Variants in BAZ2B observed in about 807,000 individuals in gnomAD.
BAZ2B encodes the protein bromodomain adjacent to zinc finger domain 2B.
In BAZ2B, 91 loss-of-function variants were observed where a neutral mutation model predicts 246.0. The ratio of observed to expected loss-of-function variants is 0.37; its 90% confidence interval spans 0.31 to 0.44. The LOEUF (loss-of-function observed/expected upper bound fraction) is 0.44. Among genes scored for constraint, BAZ2B ranks in the 20% least tolerant of loss-of-function variants. The pLI, the probability that BAZ2B is intolerant of heterozygous loss-of-function variation, is 1.00. For synonymous variants in BAZ2B, 855 were observed against 860.0 expected (o/e 0.99, Z 0.10); for missense variants, 2,332 against 2,533.7 (o/e 0.92, Z 1.71).
At chr2:159,658,386 T>G in the BAZ2B span, among the ~76,000 whole-genome samples, 4 of 152,110 alleles carry the variant, frequency 2.6e-5, no homozygotes, top group South Asian at 8.3e-4. Flanking sequence ...CAGACTGGAG[T>G]GCAGTGGCAC....
At chr2:159,620,897 G>A (rs1966530), upstream of BAZ2B, among the ~76,000 whole-genome samples, 82,778 of 151,990 alleles carry the variant, frequency 0.54, 23,422 homozygotes, top group East Asian at 0.74. Flanking sequence ...TGAGGGAACA[G>A]TAACTGTATA....
intron 1 of BAZ2B, among the ~76,000 whole-genome samples, chr2:159,599,344 C>T (rs961508597): frequency 6.6e-6 from 1 of 151,580 alleles, no homozygotes; most frequent in African/African-American, 2.4e-5. Context: ...GACTGCCGAG[C>T]GCGGTGGCTC....
chr2:159,484,466 G>T (rs1577633863), intron 2 of BAZ2B, among the ~76,000 whole-genome samples: 1 of 152,062 alleles, frequency 6.6e-6, no homozygotes, highest in East Asian at 1.9e-4. Flanking sequence ...ACTCATACTG[G>T]GTAACATACA....
At chr2:159,464,073 G>A (rs2076745720) in intron 3 of BAZ2B, 1 of 152,064 alleles carries the variant, frequency 6.6e-6, no homozygotes, top group African/African-American at 2.4e-5. Flanking sequence ...AGTACACAGA[G>A]TTCCTATATA....
At chr2:159,540,211 G>A (rs1242321192) in intron 2 of BAZ2B, among the ~76,000 whole-genome samples, 2 of 152,164 alleles carry the variant, frequency 1.3e-5, no homozygotes, top group African/African-American at 4.8e-5. Flanking sequence ...ATAAATGAGT[G>A]AATGAGTGAC....
intron 3 of BAZ2B, among the ~76,000 whole-genome samples, chr2:159,454,092 G>A (rs2075423220): frequency 6.6e-6 from 1 of 152,026 alleles, no homozygotes. Flanking sequence ...ACCTGAGGAA[G>A]TGAGGCCAAT....
intron 3 of BAZ2B, 29 bp downstream of exon 3, chr2:159,478,546 C>A: frequency 6.4e-7 from 1 of 1,566,202 alleles, no homozygotes; most frequent in Non-Finnish European, 8.6e-7. Context: ...GAATGGCATT[C>A]TAAAATTGAG....
chr2:159,360,211 C>T (rs1416500408), intron 27 of BAZ2B, among the ~76,000 whole-genome samples: 2 of 152,144 alleles, frequency 1.3e-5, no homozygotes, highest in Admixed American at 6.6e-5. Context: ...AAAATCCCAT[C>T]GTCTCAGCCC....
chr2:159,318,077 G>A (rs1053172679), downstream of BAZ2B, among the ~76,000 whole-genome samples: 5 of 151,772 alleles, frequency 3.3e-5, no homozygotes, highest in Admixed American at 6.6e-5. Flanking sequence ...TCTTATTTAT[G>A]AGCCCCTGAG....
At chr2:159,583,472 G>A (rs935109390) in intron 1 of BAZ2B, among the ~76,000 whole-genome samples, 6 of 152,122 alleles carry the variant, frequency 3.9e-5, no homozygotes, top group Admixed American at 3.3e-4. Context: ...TATGTTTACC[G>A]CTTATGAAAC....
At chr2:159,588,225 A>C (rs1170751100) in intron 1 of BAZ2B, among the ~76,000 whole-genome samples, 6 of 151,598 alleles carry the variant, frequency 4.0e-5, no homozygotes, top group South Asian at 2.1e-4. Context: ...AAAAAAAAAA[A>C]AAAAAAACCC....
chr2:159,395,702 A>G, intron 20 of BAZ2B, 67 bp downstream of exon 20: 1 of 1,374,416 alleles, frequency 7.3e-7, no homozygotes, highest in South Asian at 1.3e-5. Flanking sequence ...TTATATTTAG[A>G]AGAGCCAATG....
intron 2 of BAZ2B, among the ~76,000 whole-genome samples, chr2:159,519,224 T>C (rs1578031120): frequency 1.1e-4 from 5 of 45,652 alleles, no homozygotes; most frequent in East Asian, 3.6e-4. Context: ...TTTTTTTTTT[T>C]TTTTTTTTTT....
chr2:159,487,188 C>T lies in BAZ2B; in HGVS notation c.-2-8467G>A, dbSNP rs199680070. On this transcript the variant is annotated intron_variant, in intron 2 of 36. Transcript: ENST00000392783. ...TTTGTTATTGCTAGAAATTACCTTT[C>T]AAAATGCTCCAGAGTCTTATGCTAC... Among the ~76,000 whole-genome samples the T allele has an allele frequency of 3.3e-5, 5 of 152,248 alleles. No homozygotes were observed. The East Asian group carries it at 7.7e-4, about 23-fold the overall frequency.
chr2:159,630,972 T>C, the BAZ2B span, among the ~76,000 whole-genome samples: 3 of 152,242 alleles, frequency 2.0e-5, no homozygotes, highest in East Asian at 1.9e-4. Flanking sequence ...AGTAGGAGGA[T>C]TGCTTGAGCT....
chr2:159,404,119 A>G lies in BAZ2B; in HGVS notation c.2832+730T>C, dbSNP rs2065526108. ...TCTCAGAAATAACTACATGCTTCCT[A>G]ATATTTTTAAAAGAATAGTACTTTC... On this transcript the variant is annotated intron_variant, in intron 16 of 36. Transcript: ENST00000392783. 5.3e-5 allele frequency among the ~76,000 whole-genome samples: 8 copies of G among 152,262 alleles called. No homozygotes were observed. The South Asian group carries it at 1.4e-3, about 28-fold the overall frequency.
chr2:159,507,567 T>A (rs1406050147), intron 2 of BAZ2B, among the ~76,000 whole-genome samples: 3 of 152,178 alleles, frequency 2.0e-5, no homozygotes, highest in African/African-American at 7.2e-5. Flanking sequence ...TGCTTGTGTA[T>A]AAGGGATTAA....
chr2:159,551,114 G>A (rs772568417), intron 2 of BAZ2B, among the ~76,000 whole-genome samples: 4 of 152,148 alleles, frequency 2.6e-5, no homozygotes, highest in African/African-American at 4.8e-5. Flanking sequence ...TGGTATTACA[G>A]GAGTGAGAGC....
chr2:159,576,410 A>G (rs1685300643), intron 1 of BAZ2B, among the ~76,000 whole-genome samples: 2 of 152,126 alleles, frequency 1.3e-5, no homozygotes, highest in Non-Finnish European at 2.9e-5. Context: ...ATAAAAACGA[A>G]CAAATAAATA....
Sources: gnomAD v4.1 joint callset for allele counts (sites outside exome capture counted in the v4.1 genomes callset) on GRCh38, gnomAD v4.1.1 for gene constraint, MANE v1.5 for transcripts, NCBI Gene and HGNC (gene_info 2026-07-23, HGNC 2026-07-21) for gene names.